The following GRIP1 variants were observed in gnomAD, a reference collection of about 807,000 sequenced individuals.
GRIP1 encodes the protein glutamate receptor-interacting protein 1.
Under a neutral mutation model 129.9 loss-of-function variants are expected in GRIP1, and 45 were observed. The observed-to-expected ratio is 0.35, with a 90% CI of 0.27 to 0.44. GRIP1 has a LOEUF of 0.44. Ranked by LOEUF, GRIP1 falls within the 20% of genes least tolerant of loss-of-function variation. The probability of loss-of-function intolerance (pLI) is 1.00; values close to 1 mark genes in which losing one functional copy is unlikely to be tolerated. For missense variants in GRIP1, 1,196 were observed against 1,396.8 expected (o/e 0.86, Z 2.29); for synonymous variants, 530 against 520.8 (o/e 1.02, Z -0.24).
chr12:66,612,866 T>G (rs1242499068), intron 1 of GRIP1, among the ~76,000 whole-genome samples: 1 of 152,030 alleles, frequency 6.6e-6, no homozygotes, highest in Non-Finnish European at 1.5e-5. Context: ...CAAACAAAAT[T>G]TTGTAGAAAA....
intron 1 of GRIP1, among the ~76,000 whole-genome samples, chr12:66,936,398 C>T (rs1439977979): frequency 1.4e-5 from 2 of 144,822 alleles, no homozygotes; most frequent in East Asian, 4.0e-4. Context: ...TGTACTCCGG[C>T]CTGTGTAACA....
intron 1 of GRIP1, among the ~76,000 whole-genome samples, chr12:67,008,638 C>T (rs1024269899): frequency 6.6e-6 from 1 of 152,098 alleles, no homozygotes; most frequent in Admixed American, 6.6e-5. Context: ...ACTTAACATC[C>T]CTACCCCTCA....
chr12:66,529,099 C>G (rs186447965), intron 5 of GRIP1, among the ~76,000 whole-genome samples: 1 of 152,012 alleles, frequency 6.6e-6, no homozygotes, highest in Non-Finnish European at 1.5e-5. Flanking sequence ...TGTGGTACCA[C>G]CTTATTCCTG....
chr12:66,883,035 C>T (rs1355994401), intron 1 of GRIP1, among the ~76,000 whole-genome samples: 1 of 152,096 alleles, frequency 6.6e-6, no homozygotes, highest in Non-Finnish European at 1.5e-5. Context: ...CACATTACAT[C>T]CATCTCCAAG....
chr12:66,681,714 C>T (rs562298576), upstream of GRIP1, among the ~76,000 whole-genome samples: 41 of 152,140 alleles, frequency 2.7e-4, no homozygotes, highest in East Asian at 2.7e-3. Context: ...TTGATTAAGC[C>T]CCAATGTGAT....
chr12:66,966,386 C>T (rs764635576), intron 1 of GRIP1, among the ~76,000 whole-genome samples: 5 of 152,058 alleles, frequency 3.3e-5, no homozygotes, highest in South Asian at 2.1e-4. Flanking sequence ...TTTGTTTCAT[C>T]GCTCCACTTA....
intron 9 of GRIP1, among the ~76,000 whole-genome samples, chr12:66,460,143 G>A (rs867933974): frequency 5.3e-5 from 8 of 152,162 alleles, no homozygotes; most frequent in Non-Finnish European, 1.0e-4. Context: ...GGAGTCAGAG[G>A]TGAAGCTCTG....
chr12:66,461,948 T>C (rs1002994387), intron 9 of GRIP1, among the ~76,000 whole-genome samples: 1 of 152,190 alleles, frequency 6.6e-6, no homozygotes. Context: ...CTTTAAGGAA[T>C]AGGGCAGGAG....
intron 1 of GRIP1, among the ~76,000 whole-genome samples, chr12:66,642,156 A>G (rs1290267985): frequency 1.3e-5 from 2 of 152,196 alleles, no homozygotes; most frequent in Non-Finnish European, 2.9e-5. Context: ...GTGCCAAGAG[A>G]AAACACAACA....
chr12:66,975,320 A>C (rs1050877526), intron 1 of GRIP1, among the ~76,000 whole-genome samples: 2 of 152,226 alleles, frequency 1.3e-5, no homozygotes, highest in Non-Finnish European at 2.9e-5. Context: ...TCAGGTATCT[A>C]AAATTGTAAA....
intron 1 of GRIP1, among the ~76,000 whole-genome samples, chr12:66,739,687 A>G (rs1395423378): frequency 4.1e-5 from 6 of 145,530 alleles, no homozygotes; most frequent in Non-Finnish European, 6.3e-5. Flanking sequence ...ACCATGGCAC[A>G]CATTTACCTA....
intron 22 of GRIP1, among the ~76,000 whole-genome samples, chr12:66,374,164 TACTC>T (rs931566998): frequency 2.0e-5 from 3 of 152,120 alleles, no homozygotes; most frequent in Admixed American, 6.6e-5. Context: ...TTATGGCACT[TACTC>T]ATGTATATAA....
chr12:66,436,974 C>CAA (rs71069003), intron 13 of GRIP1, among the ~76,000 whole-genome samples: 20 of 113,542 alleles, frequency 1.8e-4, no homozygotes, highest in African/African-American at 4.9e-4. Flanking sequence ...ACTCTGTCTC[C>CAA]AAAAAAAAAA....
chr12:66,553,845 T>C (rs2062226639), intron 2 of GRIP1, among the ~76,000 whole-genome samples: 1 of 151,886 alleles, frequency 6.6e-6, no homozygotes, highest in South Asian at 2.1e-4. Context: ...CCAACACCCA[T>C]GGAGGAAGCA....
chr12:66,943,448 ATTTC>A (rs781491057), intron 1 of GRIP1, among the ~76,000 whole-genome samples: 21 of 152,226 alleles, frequency 1.4e-4, no homozygotes, highest in African/African-American at 2.2e-4. Context: ...TTATAAATTA[ATTTC>A]TTTCTATTTA....
chr12:66,660,824 G>A (rs1033960751), intron 1 of GRIP1, among the ~76,000 whole-genome samples: 8 of 152,052 alleles, frequency 5.3e-5, no homozygotes, highest in African/African-American at 1.9e-4. Context: ...TATGGGCTAT[G>A]CCCATTAGAG....
intron 2 of GRIP1, among the ~76,000 whole-genome samples, chr12:66,565,477 G>T (rs374639191): frequency 6.6e-6 from 1 of 152,144 alleles, no homozygotes; most frequent in African/African-American, 2.4e-5. Flanking sequence ...TGTTCCATTG[G>T]TCTATATCTC....
intron 22 of GRIP1, chr12:66,372,411 T>C (rs1317639472): frequency 8.8e-6 from 2 of 226,678 alleles, no homozygotes; most frequent in Non-Finnish European, 1.8e-5. Flanking sequence ...AAGGGATGAC[T>C]GATATAAAGG....
chr12:66,877,742 C>T (rs1302060608), intron 1 of GRIP1, among the ~76,000 whole-genome samples: 1 of 152,026 alleles, frequency 6.6e-6, no homozygotes, highest in African/African-American at 2.4e-5. Context: ...TTCCTCTTAT[C>T]CCACACATAA....
Sources: gnomAD v4.1 joint callset for allele counts (sites outside exome capture counted in the v4.1 genomes callset) on GRCh38, gnomAD v4.1.1 for gene constraint, MANE v1.5 for transcripts, NCBI Gene and HGNC (gene_info 2026-07-23, HGNC 2026-07-21) for gene names.